BCAS3: variants seen among roughly 807,000 people sequenced by gnomAD.
BCAS3 encodes BCAS3 microtubule associated cell migration factor, also known as BCAS4/BCAS3 fusion.
Under a neutral mutation model 116.1 loss-of-function variants are expected in BCAS3, and 53 were observed. The ratio of observed to expected loss-of-function variants is 0.46; its 90% CI spans 0.37 to 0.57. BCAS3 has a LOEUF of 0.57. Ranked by LOEUF, BCAS3 falls within the 20% of genes least tolerant of loss-of-function variation. The pLI is 0.00. For synonymous variants in BCAS3, 391 were observed against 408.2 expected, an observed-to-expected ratio of 0.96 and a Z score of 0.51; for missense variants, 917 against 1,165.4, an observed-to-expected ratio of 0.79 and a Z score of 3.10.
intron 6 of BCAS3, among the ~76,000 whole-genome samples, chr17:60,775,191 TATC>T (rs1192317260): frequency 6.6e-6 from 1 of 152,156 alleles, no homozygotes; most frequent in African/African-American, 2.4e-5. Flanking sequence ...TTTCTGGAGG[TATC>T]ATAGCATTAA....
chr17:61,147,082 T>C (rs1369409868), intron 22 of BCAS3, among the ~76,000 whole-genome samples: 1 of 146,858 alleles, frequency 6.8e-6, no homozygotes, highest in Non-Finnish European at 1.5e-5. Context: ...GCCTGGCTAA[T>C]TTTTTTTTTT....
At chr17:61,119,977 A>C (rs928940466) in intron 22 of BCAS3, among the ~76,000 whole-genome samples, 1 of 152,100 alleles carries the variant, frequency 6.6e-6, no homozygotes, top group African/African-American at 2.4e-5. Flanking sequence ...AATTCTACAG[A>C]GTGATTAAAA....
rs1204610125 is a variant in BCAS3, at chr17:61,029,345, A to G, written c.1638-5321A>G. 6.6e-6 allele frequency among the ~76,000 whole-genome samples: 1 copy of G among 151,974 alleles called. No homozygotes were observed. Among genetic ancestry groups the G allele is most frequent in the African/African-American group, 2.4e-5 (1 of 41,436 alleles). On this transcript the variant is annotated intron_variant, in intron 16 of 23. Transcript: ENST00000407086. This position sits in a 1 kb window ranked among gnomAD's most constrained non-coding sequence, Gnocchi z 5.2. ...ATACAGTCGTTCCCTTTGGTAACAAAATAAGCTTGTTGGAAAGTAAACTAT... is the reference window on the plus strand; with the variant it reads ...ATACAGTCGTTCCCTTTGGTAACAAGATAAGCTTGTTGGAAAGTAAACTAT...
rs1384905182 is a variant in BCAS3 at position 61,367,496 on chromosome 17, C to A, written c.2426-831C>A. 1 of 152,238 alleles carries A rather than the reference C, an allele frequency of 6.6e-6. No homozygotes were observed. Among genetic ancestry groups the A allele is most frequent in the East Asian group, 1.9e-4 (1 of 5,190 alleles). The allele number at this position is 152,238 out of a possible 1,614,324, so 9.4% of individuals were successfully genotyped here. A position where few individuals can be genotyped will look rare whatever the true frequency, so the allele number is the denominator to read the frequency against. On this transcript the variant is annotated intron_variant, in intron 22 of 23. Transcript: ENST00000407086. This position sits in a 1 kb window ranked among gnomAD's most constrained non-coding sequence, Gnocchi z 6.2. ...TTGGGGAGCAGCTTTGGCTTAAGGACAGACCCTTGCCGAAGATGCTATCAC... is the reference window on the plus strand; with the variant it reads ...TTGGGGAGCAGCTTTGGCTTAAGGAAAGACCCTTGCCGAAGATGCTATCAC...
chr17:60,694,816 A>G (rs1000416926), intron 4 of BCAS3, among the ~76,000 whole-genome samples: 8 of 151,996 alleles, frequency 5.3e-5, no homozygotes, highest in African/African-American at 1.9e-4. Context: ...AATAATTTAC[A>G]TTGTCGTACA....
chr17:61,038,668 GTTTTTT>G (rs1244364326), intron 18 of BCAS3, among the ~76,000 whole-genome samples: 1 of 113,918 alleles, frequency 8.8e-6, no homozygotes, highest in Non-Finnish European at 1.9e-5. Flanking sequence ...TTTTGTTTTT[GTTTTTT>G]TTTTTTTTTT....
chr17:60,808,207 A>G, intron 7 of BCAS3, 131 bp downstream of exon 7: 1 of 656,792 alleles, frequency 1.5e-6, no homozygotes, highest in South Asian at 2.2e-5. Context: ...AGAAGAAAGT[A>G]AAACATATTT....
intron 22 of BCAS3, among the ~76,000 whole-genome samples, chr17:61,172,869 T>G (rs1242183670): frequency 6.6e-6 from 1 of 151,324 alleles, no homozygotes; most frequent in Non-Finnish European, 1.5e-5. Context: ...GCACCTGTAG[T>G]CCCAGCTACT....
intron 14 of BCAS3, among the ~76,000 whole-genome samples, chr17:60,971,701 A>C (rs1383550415): frequency 6.6e-6 from 1 of 152,244 alleles, no homozygotes; most frequent in East Asian, 1.9e-4. Context: ...AATAAAAGAT[A>C]AAGTGGCTGT....
In BCAS3 at chr17:61,020,788, T is replaced by C. The variant is rs999968848; in HGVS notation, c.1637+4887T>C. Reference sequence around the variant, plus strand: ...CATCAATGAGCTTAATTTTATCTGCTTAAATCTAAAATTATTTATATTTCC... The same window carrying C: ...CATCAATGAGCTTAATTTTATCTGCCTAAATCTAAAATTATTTATATTTCC... On this transcript the variant is annotated intron_variant, in intron 16 of 23. Transcript: ENST00000407086. The surrounding 1 kb of genome is among the most constrained non-coding windows in gnomAD (Gnocchi z 4.5). Among the ~76,000 whole-genome samples the C allele has an allele frequency of 1.6e-4, 24 of 152,318 alleles. No homozygotes were observed. The highest frequency in any genetic ancestry group is 5.5e-4 in the African/African-American group (23 of 41,572).
chr17:61,015,998 T>G, intron 16 of BCAS3, 97 bp downstream of exon 16: 1 of 1,288,752 alleles, frequency 7.8e-7, no homozygotes, highest in Non-Finnish European at 1.1e-6. Flanking sequence ...TTTTATTATG[T>G]TCTTCATTTC....
In BCAS3 at chr17:61,368,605, TTTAG is replaced by T. The variant is rs1331858251; in HGVS notation, c.2593+116_2593+119del. On this transcript the variant is annotated intron_variant, in intron 23 of 23. Transcript: ENST00000407086. This position sits in a 1 kb window ranked among gnomAD's most constrained non-coding sequence, Gnocchi z 6.0. ...TATGTTTGTTTTTGCTGTTGGTTTC[TTTAG>T]TTAGCACTCCAGTGGCTATCCGTCT... is the stretch of plus-strand genomic sequence containing the variant. 7.9e-7 allele frequency: 1 copy of T among 1,272,802 alleles called. No individual in the cohort carries two copies. Among genetic ancestry groups the T allele is most frequent in the Non-Finnish European group, 1.1e-6 (1 of 937,556 alleles). 78.8% of individuals were successfully genotyped at this position (1,272,802 alleles called of 1,614,324 possible). A position where few individuals can be genotyped will look rare whatever the true frequency, so the allele number is the denominator to read the frequency against.
chr17:61,000,730 C>A (rs1441139331), intron 15 of BCAS3, among the ~76,000 whole-genome samples: 1 of 152,024 alleles, frequency 6.6e-6, no homozygotes, highest in East Asian at 1.9e-4. Flanking sequence ...TAATTGTGAA[C>A]TTATTCTTTA....
At chr17:60,872,175 T>A (rs1057332348) in intron 8 of BCAS3, among the ~76,000 whole-genome samples, 1 of 151,942 alleles carries the variant, frequency 6.6e-6, no homozygotes, top group Non-Finnish European at 1.5e-5. Context: ...GGTATCATTA[T>A]CCAGTCTGAC....
intron 22 of BCAS3, among the ~76,000 whole-genome samples, chr17:61,114,821 A>G (rs74741307): frequency 0.94 from 127,982 of 135,594 alleles, 60,648 homozygotes; most frequent in South Asian, 0.99. Flanking sequence ...GAGGCATCAC[A>G]CTACCTGACT....
rs923151575 is a variant in BCAS3 at position 61,105,311 on chromosome 17, G to A, written c.2425+20747G>A. 6.6e-6 allele frequency among the ~76,000 whole-genome samples: 1 copy of A among 152,200 alleles called. No individual in the cohort carries two copies. The highest frequency in any genetic ancestry group is 1.5e-5 in the Non-Finnish European group (1 of 68,050). On this transcript the variant is annotated intron_variant, in intron 22 of 23. Coordinates refer to ENST00000407086, the MANE Select transcript of BCAS3 (RefSeq NM_017679.5). The surrounding 1 kb of genome is among the most constrained non-coding windows in gnomAD (Gnocchi z 4.3). ...TAAATGATCACAGAAAAACCTAGGA[G>A]GAGCTAGTTCCATTTGTGAGGTTTT...
chr17:60,747,487 T>G (rs536239473), intron 6 of BCAS3, among the ~76,000 whole-genome samples: 2 of 152,350 alleles, frequency 1.3e-5, no homozygotes, highest in East Asian at 3.9e-4. Flanking sequence ...ATTCACTTTC[T>G]GCTGTGGTTT....
At chr17:60,855,476 G>C (rs1341919689) in intron 7 of BCAS3, among the ~76,000 whole-genome samples, 3 of 133,560 alleles carry the variant, frequency 2.2e-5, no homozygotes, top group Admixed American at 7.3e-5. Flanking sequence ...TTTTTTTGAG[G>C]CAGAGTCTTG....
intron 4 of BCAS3, among the ~76,000 whole-genome samples, chr17:60,707,431 T>C (rs957474626): frequency 2.0e-5 from 3 of 152,296 alleles, no homozygotes; most frequent in Non-Finnish European, 2.9e-5. Context: ...TTTGACTGCA[T>C]TGGGGGATGG....
Sources: allele counts gnomAD v4.1 joint callset (sites outside exome capture counted in the v4.1 genomes callset), GRCh38; gene constraint gnomAD v4.1.1; non-coding constraint Gnocchi (gnomAD v3.1); transcripts MANE v1.5; gene names NCBI Gene and HGNC (gene_info 2026-07-23, HGNC 2026-07-21).